Variants in NKAIN3 observed in about 807,000 individuals in gnomAD.
NKAIN3 encodes sodium/potassium transporting ATPase interacting 3, also known as sodium/potassium-transporting ATPase subunit beta-1-interacting protein 3.
A neutral mutation model predicts 30.2 loss-of-function variants in NKAIN3; 25 were observed. The observed-to-expected ratio is 0.83, with a 90% CI of 0.60 to 1.16. The LOEUF is 1.16. Ranked by LOEUF, NKAIN3 falls within the 50% of genes most tolerant of loss-of-function variation. The pLI, the probability that NKAIN3 is intolerant of heterozygous loss-of-function variation, is 0.00. For synonymous variants in NKAIN3, 91 were observed against 89.6 expected, an observed-to-expected ratio of 1.02 and a Z score of -0.09; for missense variants, 225 against 254.1, an observed-to-expected ratio of 0.89 and a Z score of 0.78.
chr8:62,851,524 C>T (rs111862527), intron 4 of NKAIN3, among the ~76,000 whole-genome samples: 135,269 of 152,164 alleles, frequency 0.89, 60,328 homozygotes, highest in African/African-American at 0.95. Context: ...AGGACATCCC[C>T]GTCTTGTGCC....
chr8:62,808,991 C>A, intron 4 of NKAIN3, among the ~76,000 whole-genome samples: 1 of 152,072 alleles, frequency 6.6e-6, no homozygotes, highest in East Asian at 1.9e-4. Context: ...CCAGAGTGGC[C>A]ATTTTAGAGA....
At chr8:62,275,861 T>C (rs1286460130) in intron 1 of NKAIN3, among the ~76,000 whole-genome samples, 8 of 152,210 alleles carry the variant, frequency 5.3e-5, no homozygotes, top group African/African-American at 1.9e-4. Context: ...TTACCGTTTA[T>C]TTTCTTCTTG....
intron 4 of NKAIN3, among the ~76,000 whole-genome samples, chr8:62,870,256 A>C (rs200367307): frequency 0.041 from 1,831 of 44,152 alleles, 58 homozygotes; most frequent in Non-Finnish European, 0.053. Flanking sequence ...ATATCTATAT[A>C]TATATCTATA....
chr8:62,345,450 CAT>C (rs1487099962), intron 1 of NKAIN3, among the ~76,000 whole-genome samples: 8 of 78,048 alleles, frequency 1.0e-4, no homozygotes, highest in East Asian at 8.3e-4. Flanking sequence ...TATATACACA[CAT>C]ATGTATATAT....
chr8:62,838,686 A>G (rs1364996738), intron 4 of NKAIN3, among the ~76,000 whole-genome samples: 1 of 152,146 alleles, frequency 6.6e-6, no homozygotes, highest in African/African-American at 2.4e-5. Flanking sequence ...ATTAGGCATC[A>G]GCACTAAAAA....
chr8:62,249,474 G>A (rs1046891999), intron 1 of NKAIN3, among the ~76,000 whole-genome samples: 1 of 152,242 alleles, frequency 6.6e-6, no homozygotes, highest in Non-Finnish European at 1.5e-5. Flanking sequence ...AGCACCCTCC[G>A]CGTTCGTGCT....
chr8:62,666,228 T>C (rs1257815755), intron 3 of NKAIN3, among the ~76,000 whole-genome samples: 1 of 151,984 alleles, frequency 6.6e-6, no homozygotes, highest in East Asian at 1.9e-4. Flanking sequence ...AAATAATTAA[T>C]TAATTAATTC....
intron 1 of NKAIN3, among the ~76,000 whole-genome samples, chr8:62,543,234 T>A (rs1808900299): frequency 6.6e-6 from 1 of 152,180 alleles, no homozygotes. Flanking sequence ...ACACTCATAT[T>A]ATTTTTTGGA....
intron 3 of NKAIN3, among the ~76,000 whole-genome samples, chr8:62,647,716 T>C (rs1214859868): frequency 1.3e-5 from 2 of 152,142 alleles, no homozygotes; most frequent in African/African-American, 4.8e-5. Flanking sequence ...TCAGTAGGGA[T>C]GAATGAAGCC....
At chr8:62,301,499 A>C (rs1444339003) in intron 1 of NKAIN3, among the ~76,000 whole-genome samples, 3 of 152,138 alleles carry the variant, frequency 2.0e-5, no homozygotes, top group African/African-American at 7.2e-5. Flanking sequence ...CTGTTTGAAC[A>C]GTTGGGCACC....
At chr8:62,761,185 C>T (rs1265174420) in intron 4 of NKAIN3, among the ~76,000 whole-genome samples, 1 of 151,992 alleles carries the variant, frequency 6.6e-6, no homozygotes, top group Non-Finnish European at 1.5e-5. Context: ...TATAGGTAAG[C>T]AAAACTAAAT....
intron 3 of NKAIN3, among the ~76,000 whole-genome samples, chr8:62,660,234 C>T (rs1235126514): frequency 6.6e-6 from 1 of 152,180 alleles, no homozygotes; most frequent in Non-Finnish European, 1.5e-5. Context: ...CCTTGGCAAA[C>T]TACTTTCCAT....
intron 3 of NKAIN3, among the ~76,000 whole-genome samples, chr8:62,717,866 C>T (rs144089607): frequency 2.6e-5 from 4 of 152,080 alleles, no homozygotes. Context: ...CGTCCTTAAC[C>T]ATAGGTAAAT....
chr8:62,750,232 G>C (rs1816232627), intron 4 of NKAIN3, among the ~76,000 whole-genome samples: 1 of 151,980 alleles, frequency 6.6e-6, no homozygotes. Flanking sequence ...CTAGGGGAGG[G>C]ACTGACGGAG....
intron 1 of NKAIN3, among the ~76,000 whole-genome samples, chr8:62,511,444 C>G (rs1178155294): frequency 6.6e-6 from 1 of 152,156 alleles, no homozygotes; most frequent in Non-Finnish European, 1.5e-5. Context: ...TCTTATCCAC[C>G]TCCTTGTACC....
At chr8:62,849,188 G>A (rs1819785730) in intron 4 of NKAIN3, among the ~76,000 whole-genome samples, 1 of 150,936 alleles carries the variant, frequency 6.6e-6, no homozygotes, top group Admixed American at 6.6e-5. Flanking sequence ...AATAAGTTAG[G>A]GAGGAGTCCC....
intron 1 of NKAIN3, among the ~76,000 whole-genome samples, chr8:62,272,428 C>T (rs999386469): frequency 6.6e-6 from 1 of 152,144 alleles, no homozygotes. Context: ...TAAATAATAT[C>T]CCCAATGAGA....
In NKAIN3 at chr8:62,740,262, T is replaced by C. The variant is rs577134333; in HGVS notation, c.274-6670T>C. Among the ~76,000 whole-genome samples the C allele has an allele frequency of 6.7e-4, 102 of 152,302 alleles. 2 individuals are homozygous for C. The South Asian group carries it at 0.018, about 27-fold the overall frequency. On this transcript the variant is annotated intron_variant, in intron 3 of 6. Coordinates refer to ENST00000623646, the MANE Select transcript of NKAIN3 (RefSeq NM_001304533.3). ...AGTTCAATTGGCATGAATTCTACTA[T>C]ATAAATATAAGATCAAAGCACACTC...
intron 1 of NKAIN3, among the ~76,000 whole-genome samples, chr8:62,367,570 G>A (rs959574326): frequency 6.6e-6 from 1 of 152,050 alleles, no homozygotes; most frequent in Non-Finnish European, 1.5e-5. Flanking sequence ...TAGTATGTAA[G>A]GATTGCACCT....
Sources: gnomAD v4.1 joint callset for allele counts (sites outside exome capture counted in the v4.1 genomes callset) on GRCh38, gnomAD v4.1.1 for gene constraint, MANE v1.5 for transcripts, NCBI Gene and HGNC (gene_info 2026-07-23, HGNC 2026-07-21) for gene names.